Variants in NT5DC1 observed in about 807,000 individuals in gnomAD.
NT5DC1 encodes 5'-nucleotidase domain containing 1.
Under a neutral mutation model 59.4 loss-of-function variants are expected in NT5DC1, and 42 were observed. That is an observed-to-expected ratio of 0.71 (90% CI 0.55 to 0.92). The LOEUF is 0.92. Among genes scored for constraint, NT5DC1 ranks in the 40% least tolerant of loss-of-function variants. The pLI, the probability that NT5DC1 is intolerant of heterozygous loss-of-function variation, is 0.00. For synonymous variants in NT5DC1, 172 were observed against 188.1 expected (o/e 0.91, Z 0.70); for missense variants, 501 against 537.1 (o/e 0.93, Z 0.66).
At chr6:116,163,139 A>ATATATAT (rs1329810394) in intron 6 of NT5DC1, among the ~76,000 whole-genome samples, 57 of 100,380 alleles carry the variant, frequency 5.7e-4, no homozygotes, top group East Asian at 2.7e-3. Context: ...AAAAAAAAAA[A>ATATATAT]AAATATATAT....
rs1215472240 is a variant in NT5DC1 at position 116,148,533 on chromosome 6, AT to A, written c.529+30592del. On this transcript the variant is annotated intron_variant, in intron 6 of 11. Transcript: ENST00000319550. ...CTTAGGATCGTCACTGTGGATGTTG[AT>A]TTTCATTGTACTCAGAATGTGAACA... Among the ~76,000 whole-genome samples, 3 of 152,110 alleles carry A rather than the reference AT, an allele frequency of 2.0e-5. No homozygotes were observed. The East Asian group carries it at 5.8e-4, about 29-fold the overall frequency.
chr6:116,202,437 C>T (rs572309778), intron 6 of NT5DC1, among the ~76,000 whole-genome samples: 14 of 151,958 alleles, frequency 9.2e-5, no homozygotes, highest in South Asian at 4.1e-4. Flanking sequence ...TTAGGGGAAA[C>T]GAGGAAACAA....
intron 6 of NT5DC1, among the ~76,000 whole-genome samples, chr6:116,193,993 T>A (rs897702667): frequency 6.6e-6 from 1 of 151,792 alleles, no homozygotes; most frequent in African/African-American, 2.4e-5. Context: ...AAGCCCAGGA[T>A]CCATGATCAC....
intron 6 of NT5DC1, among the ~76,000 whole-genome samples, chr6:116,161,957 T>TTATGTTTTTG (rs1329728281): frequency 6.6e-6 from 1 of 152,118 alleles, no homozygotes; most frequent in Non-Finnish European, 1.5e-5. Context: ...CCTAGATAGT[T>TTATGTTTTTG]TATGTTTTTG....
rs748887807 is a variant in NT5DC1, at chr6:116,108,414, C to A, written c.236C>A (p.Ala79Glu). ...DLEDGNFLKL[A>E]NNGTVLRASH... is the part of the protein sequence containing the mutation. ...GAAGATGGGAACTTCCTTAAACTTG[C>A]AAATAATGGCACTGTTCTCAGGTAA... is the stretch of plus-strand genomic sequence containing the variant. Residue 79 changes from alanine to glutamate, a missense_variant, in exon 3 of 12, where the codon GCA becomes GAA. By Grantham distance (107) the Ala-to-Glu change is moderately radical. Coordinates refer to ENST00000319550, the MANE Select transcript of NT5DC1 (RefSeq NM_152729.3). 3 of 1,603,912 alleles carry A rather than the reference C, an allele frequency of 1.9e-6. No homozygotes were observed. The highest frequency in any genetic ancestry group is 3.3e-5 in the Admixed American group (2 of 60,008).
intron 6 of NT5DC1, among the ~76,000 whole-genome samples, chr6:116,170,493 G>A (rs1425522842): frequency 6.6e-6 from 1 of 152,068 alleles, no homozygotes; most frequent in East Asian, 1.9e-4. Context: ...CCTGTTTAAG[G>A]GCTTTTGTGG....
chr6:116,111,021 T>G, intron 4 of NT5DC1, 65 bp downstream of exon 4: 1 of 1,132,016 alleles, frequency 8.8e-7, no homozygotes, highest in Non-Finnish European at 1.3e-6. Context: ...AAACCTTTGA[T>G]GTCAGGACAA....
chr6:116,106,948 T>G (rs189352477), intron 2 of NT5DC1, among the ~76,000 whole-genome samples: 6 of 152,086 alleles, frequency 3.9e-5, no homozygotes, highest in Non-Finnish European at 8.8e-5. Flanking sequence ...CCCAGCACTT[T>G]GGGAGGCTGA....
intron 6 of NT5DC1, among the ~76,000 whole-genome samples, chr6:116,188,776 G>GT (rs906871606): frequency 6.6e-6 from 1 of 150,934 alleles, no homozygotes; most frequent in Admixed American, 6.6e-5. Context: ...ACAGATTTAT[G>GT]TTTTTTGTCT....
intron 6 of NT5DC1, among the ~76,000 whole-genome samples, chr6:116,196,221 A>G (rs1781224387): frequency 6.6e-6 from 1 of 152,010 alleles, no homozygotes; most frequent in South Asian, 2.1e-4. Context: ...TCACCCAGCA[A>G]TGACCTTCAG....
chr6:116,243,602 A>C (rs892425341), intron 11 of NT5DC1, among the ~76,000 whole-genome samples: 9 of 152,136 alleles, frequency 5.9e-5, no homozygotes, highest in Non-Finnish European at 1.3e-4. Context: ...TATTCAAGTA[A>C]TGTTTCTATA....
chr6:116,153,114 T>G (rs981126524), intron 6 of NT5DC1, among the ~76,000 whole-genome samples: 3 of 151,886 alleles, frequency 2.0e-5, no homozygotes, highest in Admixed American at 2.0e-4. Context: ...TATAAAAATA[T>G]ATACACAAAT....
At chr6:116,242,969 C>T (rs969346065) in intron 11 of NT5DC1, among the ~76,000 whole-genome samples, 2 of 152,118 alleles carry the variant, frequency 1.3e-5, no homozygotes, top group African/African-American at 4.8e-5. Flanking sequence ...AAAGCTGAGG[C>T]TTAGTGTTAG....
chr6:116,157,665 A>G (rs1194379936), intron 6 of NT5DC1, among the ~76,000 whole-genome samples: 1 of 152,150 alleles, frequency 6.6e-6, no homozygotes, highest in Non-Finnish European at 1.5e-5. Flanking sequence ...CCTTCCCCAA[A>G]TTTGGGCTCA....
chr6:116,141,247 G>C (rs1391767087), intron 6 of NT5DC1, among the ~76,000 whole-genome samples: 1 of 150,372 alleles, frequency 6.7e-6, no homozygotes, highest in African/African-American at 2.5e-5. Context: ...TTGTACCTTT[G>C]CCTACTTTTT....
chr6:116,156,705 T>C (rs1248155838), intron 6 of NT5DC1, among the ~76,000 whole-genome samples: 2 of 152,236 alleles, frequency 1.3e-5, no homozygotes, highest in East Asian at 1.9e-4. Context: ...TATTGTACTT[T>C]CATAATATTT....
intron 4 of NT5DC1, among the ~76,000 whole-genome samples, chr6:116,113,049 T>C (rs1463268462): frequency 6.6e-6 from 1 of 152,232 alleles, no homozygotes; most frequent in African/African-American, 2.4e-5. Flanking sequence ...CAGTGTTCCT[T>C]GCCAGCTGAT....
intron 6 of NT5DC1, among the ~76,000 whole-genome samples, chr6:116,199,909 T>G (rs1781309719): frequency 6.6e-6 from 1 of 151,776 alleles, no homozygotes; most frequent in African/African-American, 2.4e-5. Flanking sequence ...TATGCACACA[T>G]TTTACCTTCA....
chr6:116,117,506 T>C lies in NT5DC1; in HGVS notation c.445-355T>C, dbSNP rs74857953. Among the ~76,000 whole-genome samples the C allele has an allele frequency of 2.1e-4, 32 of 152,328 alleles. No homozygotes were observed. In the East Asian group the frequency reaches 6.0e-3, roughly 28 times the overall value. ...ATACTATAAATCCATTTAATACACC[T>C]AGTTTACTGAACATCATAGCTTAGC... is the stretch of plus-strand genomic sequence containing the variant. On this transcript the variant is annotated intron_variant, in intron 5 of 11. Coordinates refer to ENST00000319550, the MANE Select transcript of NT5DC1 (RefSeq NM_152729.3).
Sources: allele counts gnomAD v4.1 joint callset (sites outside exome capture counted in the v4.1 genomes callset), GRCh38; gene constraint gnomAD v4.1.1; transcripts MANE v1.5; gene names NCBI Gene and HGNC (gene_info 2026-07-23, HGNC 2026-07-21).